The following CASK variants were observed in gnomAD, a reference collection of about 807,000 sequenced individuals.
CASK encodes calcium/calmodulin dependent serine protein kinase.
A neutral mutation model predicts 82.9 loss-of-function variants in CASK; 4 were observed. That is an observed-to-expected ratio of 0.05 (90% confidence interval 0.02 to 0.11). The LOEUF (loss-of-function observed/expected upper bound fraction) is 0.11. Among genes scored for constraint, CASK ranks in the 10% least tolerant of loss-of-function variants. CASK has a pLI of 1.00. For synonymous variants in CASK, 259 were observed against 253.5 expected (o/e 1.02, Z -0.20); for missense variants, 358 against 720.9 (o/e 0.50, Z 5.76).
At chrX:41,888,761 GTGTATATA>G (rs1287164650) in intron 1 of CASK, among the ~76,000 whole-genome samples, 2 of 93,801 alleles carry the variant, frequency 2.1e-5, no homozygotes, top group East Asian at 5.9e-4. Context: ...GTATATGTAT[GTGTATATA>G]TGTATATATA....
chrX:41,577,680 C>T (rs928557857), intron 15 of CASK, among the ~76,000 whole-genome samples: 4 of 110,980 alleles, frequency 3.6e-5, no homozygotes, highest in Non-Finnish European at 5.7e-5. Context: ...GAATAGTATT[C>T]CCCTGCTTCC....
chrX:41,693,780 C>G (rs1480319780), intron 5 of CASK, among the ~76,000 whole-genome samples: 2 of 111,664 alleles, frequency 1.8e-5, no homozygotes, highest in Admixed American at 1.9e-4. Flanking sequence ...CCTCCACTTT[C>G]CTGAATTCTG....
chrX:41,712,863 C>T (rs185832543), intron 5 of CASK, among the ~76,000 whole-genome samples: 22 of 111,516 alleles, frequency 2.0e-4, no homozygotes, highest in African/African-American at 6.5e-4. Context: ...AGTTCTGTGG[C>T]CCCCTACCCA....
rs763859398 is a variant in CASK at position 41,532,480 on chromosome X, G to A, written c.2318-1271C>T. 9.9e-5 allele frequency among the ~76,000 whole-genome samples: 11 copies of A among 111,630 alleles called. No individual in the cohort carries two copies. The East Asian group carries it at 2.5e-3, about 26-fold the overall frequency. On this transcript the variant is annotated intron_variant, in intron 24 of 26. Transcript: ENST00000378163. ...GCTCTAGTTCTGTGGATACTAATAG[G>A]ACCAGTATCCTGCAAAACACACTTT...
intron 3 of CASK, among the ~76,000 whole-genome samples, chrX:41,754,145 C>CCAGCACACCTCACA (rs1186913584): frequency 9.0e-6 from 1 of 111,450 alleles, no homozygotes; most frequent in African/African-American, 3.3e-5. Context: ...CACCTGTAAT[C>CCAGCACACCTCACA]CCAGCACTCT....
intron 5 of CASK, chrX:41,729,261 G>A (rs1160201091): frequency 8.1e-6 from 1 of 123,202 alleles, no homozygotes; most frequent in African/African-American, 3.3e-5. Flanking sequence ...TTGTAGAGCA[G>A]AAAATACTAT....
chrX:41,749,214 G>A (rs768386329), intron 3 of CASK, among the ~76,000 whole-genome samples: 3 of 107,353 alleles, frequency 2.8e-5, no homozygotes, highest in Admixed American at 1.0e-4. Flanking sequence ...ACCTGAACCC[G>A]GGAAGCAGAG....
intron 8 of CASK, among the ~76,000 whole-genome samples, chrX:41,640,072 T>C (rs778497883): frequency 3.6e-5 from 4 of 112,208 alleles, no homozygotes; most frequent in Non-Finnish European, 7.5e-5. Context: ...TTCATTTTTC[T>C]TAGGTAAATA....
chrX:41,903,136 C>T (rs1372051987), intron 1 of CASK, among the ~76,000 whole-genome samples: 1 of 112,305 alleles, frequency 8.9e-6, no homozygotes, highest in Non-Finnish European at 1.9e-5. Context: ...TATCTTGCGA[C>T]ATTATGTAAC....
rs55749198 is a variant in CASK, at chrX:41,515,943, C to T, written c.*4477G>A. ...GTGCTTGGGGCCAGAAAGGAGGTCT[C>T]CTGTGTGGTGACAAACATCTCTTTC... On this transcript the variant is annotated 3_prime_UTR_variant, in exon 27 of 27. Coordinates refer to ENST00000378163, the MANE Select transcript of CASK (RefSeq NM_001367721.1). 3 of 112,492 alleles carry T rather than the reference C, an allele frequency of 2.7e-5. No homozygotes were observed. Among genetic ancestry groups the T allele is most frequent in the Non-Finnish European group, 5.6e-5 (3 of 53,302 alleles). 9.3% of individuals were successfully genotyped at this position (112,492 alleles called of 1,213,427 possible). A position where few individuals can be genotyped will look rare whatever the true frequency, so the allele number is the denominator to read the frequency against.
intron 16 of CASK, among the ~76,000 whole-genome samples, chrX:41,568,687 G>A (rs2065359796): frequency 8.9e-6 from 1 of 111,947 alleles, no homozygotes; most frequent in South Asian, 3.7e-4. Flanking sequence ...AGAGTTAACT[G>A]AAGATGCACC....
intron 25 of CASK, among the ~76,000 whole-genome samples, chrX:41,527,212 TGAGAGA>T (rs1033535600): frequency 2.0e-5 from 2 of 101,856 alleles, no homozygotes; most frequent in East Asian, 3.0e-4. Context: ...AGACAGAGAG[TGAGAGA>T]GAGGGGGAGA....
At chrX:41,803,345 C>G (rs770431527) in intron 2 of CASK, among the ~76,000 whole-genome samples, 2 of 111,595 alleles carry the variant, frequency 1.8e-5, no homozygotes, top group African/African-American at 6.5e-5. Context: ...ATCCCAGCAC[C>G]TTGGGAGGCC....
At chrX:41,892,366 G>T (rs918881397) in intron 1 of CASK, among the ~76,000 whole-genome samples, 1 of 109,787 alleles carries the variant, frequency 9.1e-6, no homozygotes, top group Non-Finnish European at 1.9e-5. Context: ...ACAGAGTCTG[G>T]CTGTCACCTA....
chrX:41,529,229 G>A (rs2064761109), intron 25 of CASK, among the ~76,000 whole-genome samples: 1 of 111,685 alleles, frequency 9.0e-6, no homozygotes, highest in Non-Finnish European at 1.9e-5. Flanking sequence ...GCCGGGGTGA[G>A]GAGGTGCTTT....
At chrX:41,805,864 C>T (rs974779253) in intron 2 of CASK, among the ~76,000 whole-genome samples, 7 of 111,123 alleles carry the variant, frequency 6.3e-5, no homozygotes, top group African/African-American at 9.8e-5. Context: ...CCCTGAGAGA[C>T]GGAGTGCCCC....
intron 1 of CASK, among the ~76,000 whole-genome samples, chrX:41,878,906 T>C (rs985777590): frequency 9.0e-6 from 1 of 111,699 alleles, no homozygotes; most frequent in Non-Finnish European, 1.9e-5. Flanking sequence ...TTAAAGACTT[T>C]CTTAAATTAT....
chrX:41,766,925 A>C (rs1359629955), intron 3 of CASK, among the ~76,000 whole-genome samples: 1 of 111,798 alleles, frequency 8.9e-6, no homozygotes, highest in Non-Finnish European at 1.9e-5. Context: ...TAAATATTTC[A>C]GTACTTATCT....
intron 2 of CASK, among the ~76,000 whole-genome samples, chrX:41,822,529 G>A (rs1267285133): frequency 2.5e-5 from 2 of 80,843 alleles, no homozygotes; most frequent in Non-Finnish European, 4.3e-5. Context: ...CTGCACTCCA[G>A]CCTGGGCGAC....
Sources: allele counts gnomAD v4.1 joint callset (sites outside exome capture counted in the v4.1 genomes callset), GRCh38; gene constraint gnomAD v4.1.1; transcripts MANE v1.5; gene names NCBI Gene and HGNC (gene_info 2026-07-23, HGNC 2026-07-21).